DNAJC17: variants seen among roughly 807,000 people sequenced by gnomAD.
DNAJC17 encodes dnaJ homolog subfamily C member 17.
In DNAJC17, 35 loss-of-function variants were observed where a neutral mutation model predicts 48.1. The observed-to-expected ratio is 0.73, with a 90% CI of 0.56 to 0.96. The LOEUF is 0.96. DNAJC17 is among the 50% of genes least tolerant of loss of function. The pLI, the probability that DNAJC17 is intolerant of heterozygous loss-of-function variation, is 0.00. For missense variants in DNAJC17, 355 were observed against 377.1 expected (o/e 0.94, Z 0.48); for synonymous variants, 117 against 142.7 (o/e 0.82, Z 1.28).
chr15:40,775,612 AAAG>A lies in DNAJC17; in HGVS notation c.479-19_479-17del. 1 of 1,612,552 alleles carries A rather than the reference AAAG, an allele frequency of 6.2e-7. No individual in the cohort carries two copies. Among genetic ancestry groups the A allele is most frequent in the Admixed American group, 1.7e-5 (1 of 60,026 alleles). On this transcript the variant is annotated splice_polypyrimidine_tract_variant and intron_variant, in intron 6 of 10. Coordinates refer to ENST00000220496, the MANE Select transcript of DNAJC17 (RefSeq NM_018163.3). The stretch of plus-strand genomic sequence containing the variant: ...TCTGCCTTTCCTAGAAATATTGGGA[AAAG>A]AAGAAAAGTAGAATATGAGGGAGTC...
chr15:40,767,403 C>T lies in DNAJC17; in HGVS notation c.*537G>A, dbSNP rs922274748. On this transcript the variant is annotated 3_prime_UTR_variant, in exon 11 of 11. Transcript: ENST00000220496. Reference sequence around the variant, plus strand: ...ACCCCTGTGGAGGGGCTGCTGTGGGCCCTGACCTCCAAGCTCCTGCCTCAC... The same window carrying T: ...ACCCCTGTGGAGGGGCTGCTGTGGGTCCTGACCTCCAAGCTCCTGCCTCAC... The T allele has an allele frequency of 2.6e-6, 4 of 1,527,050 alleles. No homozygotes were observed. The highest frequency in any genetic ancestry group is 5.1e-5 in the East Asian group (2 of 39,286). The allele number at this position is 1,527,050 out of a possible 1,614,324, so 94.6% of individuals were successfully genotyped here.
At chr15:40,794,258 G>A (rs1462821657) in intron 1 of DNAJC17, among the ~76,000 whole-genome samples, 1 of 152,034 alleles carries the variant, frequency 6.6e-6, no homozygotes, top group Non-Finnish European at 1.5e-5. Context: ...GCTGAAGCAG[G>A]AGATCTGCTT....
chr15:40,770,462 C>T lies in DNAJC17; in HGVS notation c.793-2400G>A, dbSNP rs1301812507. Reference sequence around the variant, plus strand: ...AGGGACCACATGCACCCTGGCTGCTCCTGAACACCTGTCTGCTGGCTCCCC... The same window carrying T: ...AGGGACCACATGCACCCTGGCTGCTTCTGAACACCTGTCTGCTGGCTCCCC... On this transcript the variant is annotated intron_variant, in intron 10 of 10. Transcript: ENST00000220496. This position sits in a 1 kb window ranked among gnomAD's most constrained non-coding sequence, Gnocchi z 5.0. The T allele has an allele frequency of 3.3e-6, 5 of 1,525,728 alleles. No individual in the cohort carries two copies. The Admixed American group carries it at 8.3e-5, about 25-fold the overall frequency. 94.5% of individuals were successfully genotyped at this position (1,525,728 alleles called of 1,614,324 possible).
At chr15:40,785,931 TTAAACC>T (rs1889630199) in intron 1 of DNAJC17, among the ~76,000 whole-genome samples, 2 of 152,254 alleles carry the variant, frequency 1.3e-5, no homozygotes. Flanking sequence ...TATTTAACTG[TTAAACC>T]TGCCCTGGGC....
chr15:40,767,513 G>A lies in DNAJC17; in HGVS notation c.*427C>T, dbSNP rs1472152057. 2 of 800,846 alleles carry A rather than the reference G, an allele frequency of 2.5e-6. No individual in the cohort carries two copies. The allele number at this position is 800,846 out of a possible 1,614,324, so 49.6% of individuals were successfully genotyped here. A position where few individuals can be genotyped will look rare whatever the true frequency, so the allele number is the denominator to read the frequency against. ...AGTGAATGGCCTTCTCTGAAACCCT[G>A]CGTCAAGCAGTGGGAGAGGGCAGTG... On this transcript the variant is annotated 3_prime_UTR_variant, in exon 11 of 11. Coordinates refer to ENST00000220496, the MANE Select transcript of DNAJC17 (RefSeq NM_018163.3).
rs769713679 is a variant in DNAJC17, at chr15:40,767,236, T to G, written c.*704A>C. 1.9e-6 allele frequency: 3 copies of G among 1,562,456 alleles called. No individual in the cohort carries two copies. The South Asian group carries it at 3.5e-5, about 18-fold the overall frequency. On this transcript the variant is annotated 3_prime_UTR_variant, in exon 11 of 11. Transcript: ENST00000220496. ...CCTGTCTCTTTGCAGTTATGAATACTACGTCGATGACCCTCCCCGCATAGT... is the reference window on the plus strand; with the variant it reads ...CCTGTCTCTTTGCAGTTATGAATACGACGTCGATGACCCTCCCCGCATAGT...
chr15:40,781,452 A>T (rs1237843679), intron 1 of DNAJC17, among the ~76,000 whole-genome samples: 1 of 152,030 alleles, frequency 6.6e-6, no homozygotes, highest in Non-Finnish European at 1.5e-5. Context: ...GTGAGCCGAG[A>T]TCATGCCATT....
Position 40,770,787 on chromosome 15 carries a change from C to G in DNAJC17, c.793-2725G>C, listed in dbSNP as rs1889113459. On this transcript the variant is annotated intron_variant, in intron 10 of 10. Coordinates refer to ENST00000220496, the MANE Select transcript of DNAJC17 (RefSeq NM_018163.3). This position sits in a 1 kb window ranked among gnomAD's most constrained non-coding sequence, Gnocchi z 5.0. ...CTCAAGCTGCCCCAACATCCTGGAG[C>G]CCCCACCTGCCTACACAGCAGCCTA... 1 of 1,548,052 alleles carries G rather than the reference C, an allele frequency of 6.5e-7. No individual in the cohort carries two copies. The highest frequency in any genetic ancestry group is 1.4e-5 in the African/African-American group (1 of 73,022).
intron 10 of DNAJC17, chr15:40,771,941 G>C (rs1253719709): frequency 6.0e-6 from 1 of 167,052 alleles, no homozygotes; most frequent in Admixed American, 6.5e-5. Flanking sequence ...GCAATCCCTG[G>C]TGAAGGAAGG....
At chr15:40,775,642 G>C in intron 6 of DNAJC17, 46 bp from the exon 7 acceptor site, 1 of 1,589,256 alleles carries the variant, frequency 6.3e-7, no homozygotes, top group Non-Finnish European at 8.6e-7. Flanking sequence ...GAGGGAGTCA[G>C]AGATTCTCCC....
chr15:40,800,276 C>T (rs529936231), intron 1 of DNAJC17, among the ~76,000 whole-genome samples: 1 of 152,282 alleles, frequency 6.6e-6, no homozygotes, highest in South Asian at 2.1e-4. Flanking sequence ...CCATGTTGGG[C>T]AGGCTGGTCT....
At chr15:40,768,579 G>A (rs972096093) in intron 10 of DNAJC17, among the ~76,000 whole-genome samples, 5 of 152,180 alleles carry the variant, frequency 3.3e-5, no homozygotes, top group Non-Finnish European at 5.9e-5. Context: ...GAGGCAGCCC[G>A]GAATGCCCCA....
intron 1 of DNAJC17, 86 bp downstream of exon 1, chr15:40,807,283 G>T (rs751780650): frequency 1.2e-6 from 2 of 1,610,696 alleles, no homozygotes; most frequent in South Asian, 1.1e-5. Flanking sequence ...TGAACCTGGA[G>T]AGCGGATGCC....
chr15:40,804,521 AG>A (rs1395071714), intron 1 of DNAJC17, among the ~76,000 whole-genome samples: 1 of 152,104 alleles, frequency 6.6e-6, no homozygotes, highest in Non-Finnish European at 1.5e-5. Context: ...ACTTGAGCCC[AG>A]GAAGTCGAGG....
chr15:40,776,817 G>T lies in DNAJC17; in HGVS notation c.296-190C>A, dbSNP rs1292256230. ...AGAAAAATCACAGCACAGAAGTATG[G>T]GGTCTAGCAGAGTGGCCAGGGGTCT... is the stretch of plus-strand genomic sequence containing the variant. On this transcript the variant is annotated intron_variant, in intron 4 of 10. Transcript: ENST00000220496. 5 of 590,292 alleles carry T rather than the reference G, an allele frequency of 8.5e-6. No individual in the cohort carries two copies. The African/African-American group carries it at 9.3e-5, about 11-fold the overall frequency. The allele number at this position is 590,292 out of a possible 1,614,324, so 36.6% of individuals were successfully genotyped here. A position where few individuals can be genotyped will look rare whatever the true frequency, so the allele number is the denominator to read the frequency against.
At chr15:40,777,062 A>T (rs921768141) in intron 4 of DNAJC17, among the ~76,000 whole-genome samples, 1 of 151,720 alleles carries the variant, frequency 6.6e-6, no homozygotes, top group Non-Finnish European at 1.5e-5. Flanking sequence ...TTTACCTCCC[A>T]CCTCAACTCA....
At chr15:40,787,786 C>T (rs1889682105) in intron 1 of DNAJC17, among the ~76,000 whole-genome samples, 1 of 152,130 alleles carries the variant, frequency 6.6e-6, no homozygotes, top group South Asian at 2.1e-4. Flanking sequence ...CCAGTTTCAC[C>T]TCTTGATGGG....
At chr15:40,774,113 AC>A in intron 9 of DNAJC17, 1 of 601,176 alleles carries the variant, frequency 1.7e-6, no homozygotes, top group Non-Finnish European at 2.9e-6. Context: ...GTGTGAAGGC[AC>A]CAGCAGGGAG....
At position 40,775,408 on chromosome 15, in the gene DNAJC17, G is replaced by C. The variant is rs1596077137; in HGVS notation, c.522+145C>G. ...GCAAGCTCTGATCTCCGGGCGGCTGGAGCATGGAGGGAGGTGGTAATGGTG... is the reference window on the plus strand; with the variant it reads ...GCAAGCTCTGATCTCCGGGCGGCTGCAGCATGGAGGGAGGTGGTAATGGTG... On this transcript the variant is annotated intron_variant, in intron 7 of 10. Transcript: ENST00000220496. The C allele has an allele frequency of 6.3e-6, 6 of 957,938 alleles. No homozygotes were observed. In the East Asian group the frequency reaches 1.4e-4, roughly 23 times the overall value. 59.3% of individuals were successfully genotyped at this position (957,938 alleles called of 1,614,324 possible).
Sources: allele counts gnomAD v4.1 joint callset (sites outside exome capture counted in the v4.1 genomes callset), GRCh38; gene constraint gnomAD v4.1.1; non-coding constraint Gnocchi (gnomAD v3.1); transcripts MANE v1.5; gene names NCBI Gene and HGNC (gene_info 2026-07-23, HGNC 2026-07-21).